FBXO28: variants seen among roughly 807,000 people sequenced by gnomAD.
FBXO28 encodes F-box only protein 28.
Under a neutral mutation model 38.1 loss-of-function variants are expected in FBXO28, and 8 were observed. The observed-to-expected ratio is 0.21, with a 90% CI of 0.12 to 0.38. FBXO28 has a LOEUF of 0.38. Among genes scored for constraint, FBXO28 ranks in the 10% least tolerant of loss-of-function variants. The pLI, the probability that FBXO28 is intolerant of heterozygous loss-of-function variation, is 1.00. For synonymous variants in FBXO28, 168 were observed against 173.8 expected, an observed-to-expected ratio of 0.97 and a Z score of 0.26; for missense variants, 345 against 460.6, an observed-to-expected ratio of 0.75 and a Z score of 2.30.
intron 4 of FBXO28, among the ~76,000 whole-genome samples, chr1:224,154,935 G>A (rs902942502): frequency 1.5e-4 from 22 of 149,946 alleles, no homozygotes; most frequent in Admixed American, 6.6e-4. Context: ...CCAAGATCAC[G>A]CCACTGCACT....
At chr1:224,125,115 T>A (rs1656874330) in intron 1 of FBXO28, among the ~76,000 whole-genome samples, 1 of 148,890 alleles carries the variant, frequency 6.7e-6, no homozygotes, top group African/African-American at 2.5e-5. Flanking sequence ...TAATTTTTCT[T>A]TTTTTTTTTT....
At position 224,153,190 on chromosome 1, in the gene FBXO28, G is replaced by A. The variant is rs772957509; in HGVS notation, c.565G>A (p.Ala189Thr). 1.7e-5 allele frequency: 28 copies of A among 1,609,352 alleles called. No individual in the cohort carries two copies. The highest frequency in any genetic ancestry group is 1.7e-4 in the Middle Eastern group (1 of 6,054). ...RVLRYVNSTR[A>T]PQRAHEVLQE... is the part of the protein sequence containing the mutation. ...GTTGAGATATGTCAATTCTACCAGAGCCCCTCAACGAGCTCATGAAGTACT... is the reference window on the plus strand; with the variant it reads ...GTTGAGATATGTCAATTCTACCAGAACCCCTCAACGAGCTCATGAAGTACT... The change falls in exon 4 of 5, where the codon GCC (alanine) becomes ACC (threonine). Residue 189 changes from alanine to threonine, a missense_variant. This residue lies in a region of FBXO28 where 24 missense variants were observed against 24.6 expected (regional missense o/e 0.98). Transcript: ENST00000366862.
At chr1:224,144,661 G>A (rs1020037793) in intron 3 of FBXO28, among the ~76,000 whole-genome samples, 1 of 151,856 alleles carries the variant, frequency 6.6e-6, no homozygotes, top group African/African-American at 2.4e-5. Context: ...GGGAGGCTGA[G>A]GCAGGAGACT....
chr1:224,149,484 C>T (rs1657590035), intron 3 of FBXO28, among the ~76,000 whole-genome samples: 1 of 152,100 alleles, frequency 6.6e-6, no homozygotes, highest in African/African-American at 2.4e-5. Context: ...AGCCACCACG[C>T]CCAGCCAAAA....
intron 3 of FBXO28, among the ~76,000 whole-genome samples, chr1:224,143,243 A>AG (rs1363229975): frequency 1.3e-5 from 2 of 149,056 alleles, no homozygotes; most frequent in Admixed American, 6.7e-5. Context: ...AAAGAGAAGG[A>AG]GAAAAAAAAA....
At chr1:224,133,011 G>A (rs752521649) in intron 2 of FBXO28, among the ~76,000 whole-genome samples, 2 of 152,156 alleles carry the variant, frequency 1.3e-5, no homozygotes, top group African/African-American at 2.4e-5. Flanking sequence ...CAGCTGATGA[G>A]CAAACAAAGT....
chr1:224,153,875 C>G (rs1055819119), intron 4 of FBXO28, among the ~76,000 whole-genome samples: 1 of 151,136 alleles, frequency 6.6e-6, no homozygotes, highest in South Asian at 2.1e-4. Flanking sequence ...GAGCCAGATT[C>G]GCGCCATTGC....
At chr1:224,137,621 T>G (rs1657227760) in intron 3 of FBXO28, among the ~76,000 whole-genome samples, 1 of 151,634 alleles carries the variant, frequency 6.6e-6, no homozygotes, top group African/African-American at 2.4e-5. Context: ...AGCTATAAAG[T>G]AGAGAAACAA....
intron 3 of FBXO28, among the ~76,000 whole-genome samples, chr1:224,143,572 C>G (rs916601522): frequency 3.3e-5 from 5 of 152,218 alleles, no homozygotes; most frequent in African/African-American, 7.2e-5. Flanking sequence ...CGCCTGTAAT[C>G]CCAACACTTT....
chr1:224,142,441 A>G (rs1462364221), intron 3 of FBXO28, among the ~76,000 whole-genome samples: 3 of 150,984 alleles, frequency 2.0e-5, no homozygotes, highest in Non-Finnish European at 2.9e-5. Context: ...ATTTGAGCTC[A>G]GGAGTTCTTT....
rs143942762 is a variant in FBXO28, at chr1:224,145,970, G to A, written c.517-7172G>A. ...AATCCCAGCTACTCAGGAGGCTGAGGCAGGAGAACTGCTTGTATCCGGGAG... is the reference window on the plus strand; with the variant it reads ...AATCCCAGCTACTCAGGAGGCTGAGACAGGAGAACTGCTTGTATCCGGGAG... On this transcript the variant is annotated intron_variant, in intron 3 of 4. Coordinates refer to ENST00000366862, the MANE Select transcript of FBXO28 (RefSeq NM_015176.4). Among the ~76,000 whole-genome samples the A allele has an allele frequency of 1.1e-3, 174 of 152,128 alleles. 1 individual carries two copies. The highest frequency in any genetic ancestry group is 7.7e-3 in the Admixed American group (117 of 15,248).
intron 3 of FBXO28, among the ~76,000 whole-genome samples, chr1:224,148,554 C>T (rs1232709896): frequency 1.3e-5 from 2 of 151,354 alleles, no homozygotes; most frequent in Admixed American, 6.6e-5. Context: ...CCCAGCTACT[C>T]GGGAGGCTGA....
At position 224,158,521 on chromosome 1, in the gene FBXO28, G is replaced by A. The variant is rs759210820; in HGVS notation, c.*775G>A. The A allele has an allele frequency of 6.6e-6, 1 of 152,534 alleles. No homozygotes were observed. Among genetic ancestry groups the A allele is most frequent in the Non-Finnish European group, 1.5e-5 (1 of 68,052 alleles). 9.4% of individuals were successfully genotyped at this position (152,534 alleles called of 1,614,324 possible). A position where few individuals can be genotyped will look rare whatever the true frequency, so the allele number is the denominator to read the frequency against. ...GAGCGGCGTCTTAGTTTATTTAAAC[G>A]CTTAACATCTTCCACCGCAACAGCT... On this transcript the variant is annotated 3_prime_UTR_variant, in exon 5 of 5. Coordinates refer to ENST00000366862, the MANE Select transcript of FBXO28 (RefSeq NM_015176.4).
intron 1 of FBXO28, among the ~76,000 whole-genome samples, chr1:224,127,198 G>GTT (rs1249224269): frequency 2.0e-5 from 3 of 150,808 alleles, no homozygotes; most frequent in African/African-American, 7.4e-5. Context: ...GTGTGTGTGT[G>GTT]TGTGTGTGTG....
intron 4 of FBXO28, among the ~76,000 whole-genome samples, chr1:224,154,725 A>G (rs971887114): frequency 7.2e-5 from 11 of 151,808 alleles, no homozygotes; most frequent in African/African-American, 1.4e-4. Flanking sequence ...GGAGAATGGC[A>G]TGAACCCAGG....
rs868796445 is a variant in FBXO28 at position 224,156,946 on chromosome 1, G to A, written c.713-406G>A. ...GAACCCAGGAGGCGGAGCTTGCAGT[G>A]AGCCGAGATCACGCCACTGCACTCC... On this transcript the variant is annotated intron_variant, in intron 4 of 4. Transcript: ENST00000366862. Among the ~76,000 whole-genome samples, 20 of 150,784 alleles carry A rather than the reference G, an allele frequency of 1.3e-4. 1 individual carries two copies. Among genetic ancestry groups the A allele is most frequent in the South Asian group, 1.0e-3 (5 of 4,786 alleles).
chr1:224,145,964 G>A (rs549426812), intron 3 of FBXO28, among the ~76,000 whole-genome samples: 16 of 152,172 alleles, frequency 1.1e-4, no homozygotes, highest in African/African-American at 3.9e-4. Context: ...TACTCAGGAG[G>A]CTGAGGCAGG....
At chr1:224,143,116 A>G (rs4653986) in intron 3 of FBXO28, among the ~76,000 whole-genome samples, 75,879 of 150,370 alleles carry the variant, frequency 0.5, 20,301 homozygotes, top group South Asian at 0.61. Flanking sequence ...AAATACATAT[A>G]TTAGCCGGGT....
At chr1:224,136,567 CA>C (rs112359233) in intron 3 of FBXO28, among the ~76,000 whole-genome samples, 2,493 of 139,726 alleles carry the variant, frequency 0.018, 91 homozygotes, top group African/African-American at 0.054. Flanking sequence ...ACTAAAAATA[CA>C]AAAAAAAAAA....
Sources: gnomAD v4.1 joint callset for allele counts (sites outside exome capture counted in the v4.1 genomes callset) on GRCh38, gnomAD v4.1.1 for gene constraint, gnomAD v4.1.1 regional missense constraint, MANE v1.5 for transcripts, NCBI Gene and HGNC (gene_info 2026-07-23, HGNC 2026-07-21) for gene names.